EXOSC4: variants seen among roughly 807,000 people sequenced by gnomAD.
The protein encoded by EXOSC4 is exosome complex component RRP41.
Under a neutral mutation model 20.0 loss-of-function variants are expected in EXOSC4, and 14 were observed. That is an observed-to-expected ratio of 0.70 (90% CI 0.46 to 1.09). The LOEUF is 1.09. Ranked by LOEUF, EXOSC4 falls within the 50% of genes least tolerant of loss-of-function variation. The pLI is 0.00. For missense variants in EXOSC4, 337 were observed against 334.0 expected, an observed-to-expected ratio of 1.01 and a Z score of -0.07; for synonymous variants, 148 against 146.4, an observed-to-expected ratio of 1.01 and a Z score of -0.08.
the EXOSC4 span, among the ~76,000 whole-genome samples, chr8:144,065,689 C>A: frequency 6.6e-6 from 1 of 152,004 alleles, no homozygotes; most frequent in Non-Finnish European, 1.5e-5. Flanking sequence ...GAGCTGAGAT[C>A]GTGCCACTGC....
upstream of EXOSC4, among the ~76,000 whole-genome samples, chr8:144,074,761 A>C (rs1835821616): frequency 6.6e-6 from 1 of 151,930 alleles, no homozygotes; most frequent in African/African-American, 2.4e-5. Flanking sequence ...TTTTGTAGAG[A>C]TAGTGTGTCA....
chr8:144,070,294 G>A, the EXOSC4 span, among the ~76,000 whole-genome samples: 1 of 152,298 alleles, frequency 6.6e-6, no homozygotes, highest in Non-Finnish European at 1.5e-5. Context: ...GAGAGGCTGA[G>A]GTGGGTGGAT....
rs781819179 is a variant in EXOSC4, at chr8:144,080,630, AC to A, written c.*32del. 5.7e-6 allele frequency: 9 copies of A among 1,583,450 alleles called. No homozygotes were observed. In the Admixed American group the frequency reaches 6.7e-5, roughly 12 times the overall value. On this transcript the variant is annotated 3_prime_UTR_variant, in exon 3 of 3. Transcript: ENST00000316052. This position sits in a 1 kb window ranked among gnomAD's most constrained non-coding sequence, Gnocchi z 4.9. ...CCCAGCCACCCATGTCCAGAATAAA[AC>A]CCTCCTCTGCCCACACACCCCTCAC...
chr8:144,068,851 G>A, the EXOSC4 span, among the ~76,000 whole-genome samples: 2 of 152,222 alleles, frequency 1.3e-5, no homozygotes, highest in South Asian at 4.2e-4. Flanking sequence ...GAGGCCTCCC[G>A]TCCCCCAACA....
intron 1 of EXOSC4, 67 bp from the exon 2 acceptor site, chr8:144,079,876 C>G (rs1325772025): frequency 6.9e-7 from 1 of 1,448,896 alleles, no homozygotes; most frequent in Non-Finnish European, 9.7e-7. Context: ...GAGAGGCAGA[C>G]CCACAGAGGA....
the EXOSC4 span, among the ~76,000 whole-genome samples, chr8:144,071,024 T>C: frequency 5.9e-3 from 893 of 151,928 alleles, 7 homozygotes; most frequent in South Asian, 0.03. Context: ...CTACACACTG[T>C]GGGGCAAACA....
chr8:144,074,574 T>C (rs1835819729), upstream of EXOSC4, among the ~76,000 whole-genome samples: 1 of 151,946 alleles, frequency 6.6e-6, no homozygotes. Flanking sequence ...TTCTGGGTTT[T>C]TTGGTTTGTT....
At chr8:144,072,490 T>C in the EXOSC4 span, among the ~76,000 whole-genome samples, 109 of 152,274 alleles carry the variant, frequency 7.2e-4, no homozygotes, top group African/African-American at 2.2e-3. Flanking sequence ...CTACAATTTA[T>C]ACCTCCTATC....
At chr8:144,069,483 T>G in the EXOSC4 span, among the ~76,000 whole-genome samples, 1 of 152,222 alleles carries the variant, frequency 6.6e-6, no homozygotes, top group Non-Finnish European at 1.5e-5. Context: ...CTCTGATCTC[T>G]ACCCAGGTGG....
intron 1 of EXOSC4, chr8:144,079,461 G>C: frequency 3.1e-6 from 1 of 326,172 alleles, no homozygotes; most frequent in Non-Finnish European, 6.0e-6. Context: ...CTTTCCAGGC[G>C]GAGGGAACCA....
chr8:144,078,602 C>A, upstream of EXOSC4: 8 of 1,100,412 alleles, frequency 7.3e-6, no homozygotes, highest in Non-Finnish European at 9.7e-6. The surrounding 1 kb of genome is among the most constrained non-coding windows in gnomAD (Gnocchi z 4.7). Flanking sequence ...AGCTGTAGTT[C>A]CCCGGAACCG....
chr8:144,076,097 G>A (rs782313880), upstream of EXOSC4, among the ~76,000 whole-genome samples: 4 of 152,090 alleles, frequency 2.6e-5, no homozygotes, highest in Non-Finnish European at 5.9e-5. Context: ...TGCTTCTAGG[G>A]GTCTGGAATT....
rs781918119 is a variant in EXOSC4, at chr8:144,079,946, C to T, written c.175C>T (p.Arg59Trp). ...LAVVYGPHEI[R>W]GSRARALPDR... ...TCATGTGTCTGTCCTCTTCCAGATC[C>T]GGGGCTCCCGGGCTCGAGCCCTGCC... Residue 59 changes from arginine (R) to tryptophan (W), a missense_variant, in exon 2 of 3, where the codon CGG becomes TGG. Physicochemically the swap from Arg to Trp is moderately radical, Grantham distance 101. Transcript: ENST00000316052. The T allele has an allele frequency of 7.4e-6, 12 of 1,613,846 alleles. No individual in the cohort carries two copies. Among genetic ancestry groups the T allele is most frequent in the South Asian group, 2.2e-5 (2 of 91,068 alleles).
At chr8:144,076,911 C>CA (rs1292596955), upstream of EXOSC4, among the ~76,000 whole-genome samples, 7 of 151,244 alleles carry the variant, frequency 4.6e-5, no homozygotes, top group Non-Finnish European at 1.0e-4. Context: ...ACTAAAACTA[C>CA]AAAAAAAAAG....
the EXOSC4 span, among the ~76,000 whole-genome samples, chr8:144,070,855 G>A: frequency 6.6e-6 from 1 of 151,730 alleles, no homozygotes; most frequent in African/African-American, 2.4e-5. Flanking sequence ...TTTTTTCAGA[G>A]AAATTGAGGG....
the EXOSC4 span, among the ~76,000 whole-genome samples, chr8:144,072,428 G>A: frequency 2.0e-5 from 3 of 152,058 alleles, no homozygotes; most frequent in South Asian, 2.1e-4. Context: ...TGATCTGCCC[G>A]TCTCAGCCTC....
upstream of EXOSC4, among the ~76,000 whole-genome samples, chr8:144,075,229 A>ATTTTTTT (rs782139585): frequency 3.0e-5 from 4 of 132,096 alleles, no homozygotes; most frequent in African/African-American, 8.3e-5. Context: ...TGTCCAGTTA[A>ATTTTTTT]TTTTTTTTTT....
Position 144,080,415 on chromosome 8 carries a change from G to GCTGGCC in EXOSC4, c.562_567dup (p.Ala188_Leu189dup), listed in dbSNP as rs781895679. 81 of 1,610,780 alleles carry GCTGGCC rather than the reference G, an allele frequency of 5.0e-5. 2 individuals are homozygous for GCTGGCC. The Admixed American group carries it at 1.3e-3, about 26-fold the overall frequency. On this transcript the variant is annotated inframe_insertion, in exon 3 of 3. Coordinates refer to ENST00000316052, the MANE Select transcript of EXOSC4 (RefSeq NM_019037.3). This position sits in a 1 kb window ranked among gnomAD's most constrained non-coding sequence, Gnocchi z 4.9. ...TGGAGGAAGCAGCTGGTGGCCCCCA[G>GCTGGCC]CTGGCCCTGGCCCTGCTGCCAGCCT...
upstream of EXOSC4, among the ~76,000 whole-genome samples, chr8:144,075,712 G>A (rs147190339): frequency 2.6e-3 from 396 of 152,352 alleles, 3 homozygotes; most frequent in African/African-American, 8.9e-3. Flanking sequence ...ATAAAAAGGT[G>A]TTGTCATCTT....
Sources: allele counts gnomAD v4.1 joint callset (sites outside exome capture counted in the v4.1 genomes callset), GRCh38; gene constraint gnomAD v4.1.1; non-coding constraint Gnocchi (gnomAD v3.1); transcripts MANE v1.5; gene names NCBI Gene and HGNC (gene_info 2026-07-23, HGNC 2026-07-21).